TADA2A: variants seen among roughly 807,000 people sequenced by gnomAD.
The protein encoded by TADA2A is transcriptional adaptor 2A.
TADA2A carries 38 observed loss-of-function variants against 67.4 expected under a neutral mutation model. That is an observed-to-expected ratio of 0.56 (90% CI 0.44 to 0.74). The LOEUF (loss-of-function observed/expected upper bound fraction) is 0.74, where lower values mean the gene tolerates loss of function less well. Among genes scored for constraint, TADA2A ranks in the 30% least tolerant of loss-of-function variants. The probability of loss-of-function intolerance (pLI) is 0.00; values close to 1 mark genes in which losing one functional copy is unlikely to be tolerated. For missense variants in TADA2A, 454 were observed against 547.0 expected (o/e 0.83, Z 1.70); for synonymous variants, 192 against 181.6 (o/e 1.06, Z -0.46).
At chr17:37,441,068 C>A (rs1460717115) in intron 6 of TADA2A, among the ~76,000 whole-genome samples, 2 of 150,796 alleles carry the variant, frequency 1.3e-5, no homozygotes, top group African/African-American at 2.4e-5. Context: ...GCACTCCAAC[C>A]TGGGTGACAG....
In TADA2A at chr17:37,427,022, T is replaced by C; in HGVS notation, c.192+13T>C. ...TTATGAAATAATGGTAATGATGAAGTTGCTGGGAATTTCTGTTCACTTTTT... is the reference window on the plus strand; with the variant it reads ...TTATGAAATAATGGTAATGATGAAGCTGCTGGGAATTTCTGTTCACTTTTT... On this transcript the variant is annotated intron_variant, in intron 4 of 15. Transcript: ENST00000615182. The C allele has an allele frequency of 1.9e-6, 3 of 1,566,210 alleles. No homozygotes were observed. Among genetic ancestry groups the C allele is most frequent in the Non-Finnish European group, 2.6e-6 (3 of 1,155,338 alleles).
At chr17:37,422,775 T>TA (rs1280816620) in intron 2 of TADA2A, among the ~76,000 whole-genome samples, 1 of 152,182 alleles carries the variant, frequency 6.6e-6, no homozygotes, top group Non-Finnish European at 1.5e-5. Flanking sequence ...GTGCTGGAAT[T>TA]ACAGGGTAAG....
intron 11 of TADA2A, among the ~76,000 whole-genome samples, chr17:37,467,201 C>T (rs2053683350): frequency 6.6e-6 from 1 of 152,092 alleles, no homozygotes; most frequent in Non-Finnish European, 1.5e-5. Flanking sequence ...TGAATTTAAC[C>T]ATTTCACTAA....
intron 4 of TADA2A, among the ~76,000 whole-genome samples, chr17:37,433,598 A>G (rs1218993760): frequency 6.6e-6 from 1 of 152,002 alleles, no homozygotes; most frequent in African/African-American, 2.4e-5. Flanking sequence ...GTTTGAAGCT[A>G]CAGTGAGCCA....
At chr17:37,430,745 T>C (rs1369941440) in intron 4 of TADA2A, among the ~76,000 whole-genome samples, 2 of 152,220 alleles carry the variant, frequency 1.3e-5, no homozygotes, top group African/African-American at 4.8e-5. Context: ...CCTTGTGCCT[T>C]CTTTGGTGTG....
intron 4 of TADA2A, among the ~76,000 whole-genome samples, chr17:37,428,518 A>C (rs1181328627): frequency 6.6e-6 from 1 of 152,186 alleles, no homozygotes; most frequent in Non-Finnish European, 1.5e-5. Flanking sequence ...AAATCCAGGG[A>C]ATCTCTATGA....
chr17:37,471,538 C>T (rs2053787057), intron 14 of TADA2A, among the ~76,000 whole-genome samples: 1 of 152,100 alleles, frequency 6.6e-6, no homozygotes, highest in Admixed American at 6.5e-5. Flanking sequence ...GACAGAGTCT[C>T]GGTCTGTCGC....
intron 4 of TADA2A, among the ~76,000 whole-genome samples, chr17:37,432,114 C>G (rs558949183): frequency 6.6e-6 from 1 of 152,080 alleles, no homozygotes; most frequent in Admixed American, 6.6e-5. Flanking sequence ...TGGAATCATA[C>G]TGTATGTACA....
chr17:37,419,709 C>T lies in TADA2A; in HGVS notation c.26-3800C>T, dbSNP rs2052169652. ...ATGAGAATTGCTTGAACGTGGGAGG[C>T]AGAGGTTTCAGTGAGCTGAGATCAA... On this transcript the variant is annotated intron_variant, in intron 2 of 15. Transcript: ENST00000615182. Among the ~76,000 whole-genome samples the T allele has an allele frequency of 1.4e-5, 2 of 140,582 alleles. 1 individual carries two copies. Among genetic ancestry groups the T allele is most frequent in the Non-Finnish European group, 3.1e-5 (2 of 64,160 alleles). 92.2% of individuals were successfully genotyped at this position (140,582 alleles called of 152,430 possible). A position where few individuals can be genotyped will look rare whatever the true frequency, so the allele number is the denominator to read the frequency against.
At position 37,477,146 on chromosome 17, in the gene TADA2A, A is replaced by C; in HGVS notation, c.*164A>C. On this transcript the variant is annotated 3_prime_UTR_variant, in exon 16 of 16. Transcript: ENST00000615182. ...AGTTGTATTGTCTACTTTCTTCTCC[A>C]TCCTGCTTTAAAACACTCCTGTTGT... 1.5e-6 allele frequency: 1 copy of C among 681,402 alleles called. No homozygotes were observed. 42.2% of individuals were successfully genotyped at this position (681,402 alleles called of 1,614,324 possible).
At chr17:37,473,517 T>G (rs1224654071) in intron 14 of TADA2A, among the ~76,000 whole-genome samples, 2 of 152,216 alleles carry the variant, frequency 1.3e-5, no homozygotes, top group Non-Finnish European at 2.9e-5. Flanking sequence ...GAAGCCTGTT[T>G]TCCACCAGTG....
At chr17:37,412,379 T>C (rs2051904955) in intron 2 of TADA2A, among the ~76,000 whole-genome samples, 1 of 152,056 alleles carries the variant, frequency 6.6e-6, no homozygotes, top group African/African-American at 2.4e-5. Context: ...GGAAAGATCA[T>C]CCCACCTCCC....
chr17:37,429,927 A>C (rs1453566866), intron 4 of TADA2A, among the ~76,000 whole-genome samples: 2 of 152,238 alleles, frequency 1.3e-5, no homozygotes, highest in African/African-American at 4.8e-5. Context: ...GTAGCTGTGG[A>C]TTTGAGTTAA....
At chr17:37,432,624 G>A (rs182074691) in intron 4 of TADA2A, among the ~76,000 whole-genome samples, 68 of 152,260 alleles carry the variant, frequency 4.5e-4, no homozygotes, top group African/African-American at 1.5e-3. Flanking sequence ...CCTTGCCCAC[G>A]TTTAGGCTAT....
Position 37,419,788 on chromosome 17 carries a change from A to G in TADA2A, c.26-3721A>G, listed in dbSNP as rs2052173387. Among the ~76,000 whole-genome samples, 2 of 144,440 alleles carry G rather than the reference A, an allele frequency of 1.4e-5. 1 individual carries two copies. Among genetic ancestry groups the G allele is most frequent in the Non-Finnish European group, 3.1e-5 (2 of 64,930 alleles). 94.8% of individuals were successfully genotyped at this position (144,440 alleles called of 152,430 possible). A position where few individuals can be genotyped will look rare whatever the true frequency, so the allele number is the denominator to read the frequency against. On this transcript the variant is annotated intron_variant, in intron 2 of 15. Coordinates refer to ENST00000615182, the MANE Select transcript of TADA2A (RefSeq NM_001166105.3). ...AGTGAGACACTGTCTCAAAAAAAAA[A>G]AAAAGACCACTTTTCAGGAGTTCGA... is the stretch of plus-strand genomic sequence containing the variant.
At chr17:37,438,303 G>T (rs2052794691) in intron 5 of TADA2A, among the ~76,000 whole-genome samples, 2 of 152,270 alleles carry the variant, frequency 1.3e-5, no homozygotes, top group African/African-American at 4.8e-5. Flanking sequence ...TCCAAAACCG[G>T]CGGAATTGAA....
chr17:37,460,194 G>A (rs1317252026), intron 9 of TADA2A, among the ~76,000 whole-genome samples: 2 of 151,060 alleles, frequency 1.3e-5, no homozygotes, highest in Non-Finnish European at 3.0e-5. Context: ...AATTACAGGT[G>A]TGAGCCACTG....
At chr17:37,426,844 C>T in intron 3 of TADA2A, 106 bp from the exon 4 acceptor site, 1 of 1,047,054 alleles carries the variant, frequency 9.6e-7, no homozygotes, top group South Asian at 1.6e-5. Context: ...GACCCTGTCT[C>T]CAAAAATAAA....
intron 12 of TADA2A, among the ~76,000 whole-genome samples, chr17:37,469,325 C>T (rs906109153): frequency 1.3e-5 from 2 of 151,780 alleles, no homozygotes; most frequent in Non-Finnish European, 2.9e-5. Context: ...TTTGTGTGAG[C>T]CCCAATCTAC....
Sources: allele counts gnomAD v4.1 joint callset (sites outside exome capture counted in the v4.1 genomes callset), GRCh38; gene constraint gnomAD v4.1.1; transcripts MANE v1.5; gene names NCBI Gene and HGNC (gene_info 2026-07-23, HGNC 2026-07-21).